Variants in CATSPERD observed in about 807,000 individuals in gnomAD.
The protein encoded by CATSPERD is cation channel sperm-associated auxiliary subunit delta.
CATSPERD carries 86 observed loss-of-function variants against 98.1 expected under a neutral mutation model. That is an observed-to-expected ratio of 0.88 (90% CI 0.74 to 1.05). The LOEUF is 1.05. Ranked by LOEUF, CATSPERD falls within the 50% of genes least tolerant of loss-of-function variation. The pLI is 0.00. For missense variants in CATSPERD, 995 were observed against 1,005.7 expected, an observed-to-expected ratio of 0.99 and a Z score of 0.14; for synonymous variants, 394 against 390.2, an observed-to-expected ratio of 1.01 and a Z score of -0.12.
At chr19:5,738,000 C>T (rs1295924896) in intron 6 of CATSPERD, among the ~76,000 whole-genome samples, 1 of 152,086 alleles carries the variant, frequency 6.6e-6, no homozygotes. Flanking sequence ...GATCCACCGG[C>T]TGACACTATA....
intron 13 of CATSPERD, among the ~76,000 whole-genome samples, chr19:5,757,405 C>G (rs1053278613): frequency 6.8e-6 from 1 of 147,656 alleles, no homozygotes; most frequent in African/African-American, 2.5e-5. Flanking sequence ...TCAAGCGATT[C>G]TCTTGCCTCG....
At chr19:5,735,617 C>T (rs1239310930) in intron 5 of CATSPERD, among the ~76,000 whole-genome samples, 4 of 151,944 alleles carry the variant, frequency 2.6e-5, no homozygotes, top group African/African-American at 7.2e-5. Context: ...GGACTACAGG[C>T]GTGTGCCACC....
intron 9 of CATSPERD, among the ~76,000 whole-genome samples, chr19:5,746,725 G>A (rs773659459): frequency 7.9e-5 from 12 of 151,920 alleles, no homozygotes; most frequent in African/African-American, 4.8e-5. Flanking sequence ...GAGCCACCAC[G>A]CCCAGCCATT....
intron 16 of CATSPERD, among the ~76,000 whole-genome samples, chr19:5,765,422 A>C (rs1240859556): frequency 6.2e-5 from 2 of 32,108 alleles, no homozygotes; most frequent in East Asian, 1.4e-3. Flanking sequence ...TCATTCATTC[A>C]TTCATTCATT....
At chr19:5,741,435 GATGGTGCCT>G (rs769015221) in intron 7 of CATSPERD, among the ~76,000 whole-genome samples, 22 of 152,114 alleles carry the variant, frequency 1.4e-4, no homozygotes, top group Non-Finnish European at 2.9e-4. Context: ...CTGCTCCCAA[GATGGTGCCT>G]ATGTTGGGGG....
intron 9 of CATSPERD, 42 bp from the exon 10 acceptor site, chr19:5,748,118 G>A: frequency 4.6e-6 from 7 of 1,534,618 alleles, no homozygotes; most frequent in Non-Finnish European, 5.4e-6. Context: ...CCTTTCCCAG[G>A]ATGTACACGG....
At chr19:5,732,829 C>T (rs1022998650) in intron 4 of CATSPERD, among the ~76,000 whole-genome samples, 1 of 151,810 alleles carries the variant, frequency 6.6e-6, no homozygotes, top group Non-Finnish European at 1.5e-5. Flanking sequence ...GCAGGCACCA[C>T]CATGCCTAGC....
chr19:5,743,563 C>T (rs1256493999), intron 7 of CATSPERD, among the ~76,000 whole-genome samples: 1 of 149,990 alleles, frequency 6.7e-6, no homozygotes, highest in Non-Finnish European at 1.5e-5. Context: ...TGTGCCACTG[C>T]ACTCCAGCCT....
intron 1 of CATSPERD, among the ~76,000 whole-genome samples, chr19:5,724,022 A>G (rs771002106): frequency 6.7e-6 from 1 of 149,602 alleles, no homozygotes; most frequent in Non-Finnish European, 1.5e-5. Flanking sequence ...CGAAGTCCCA[A>G]CCTCAGGTGA....
chr19:5,758,051 C>T (rs1037388660), intron 14 of CATSPERD, 119 bp downstream of exon 14: 10 of 751,818 alleles, frequency 1.3e-5, no homozygotes, highest in Admixed American at 3.2e-5. Context: ...GGCCGTGCCC[C>T]GCGGTGGGAA....
chr19:5,762,052 A>ATTTT, intron 15 of CATSPERD, among the ~76,000 whole-genome samples: 1 of 17,278 alleles, frequency 5.8e-5, no homozygotes, highest in Non-Finnish European at 1.4e-4. Context: ...ATATATATAT[A>ATTTT]TATATATTTT....
intron 7 of CATSPERD, among the ~76,000 whole-genome samples, chr19:5,742,236 G>C (rs1438773334): frequency 1.3e-5 from 2 of 151,266 alleles, no homozygotes; most frequent in Non-Finnish European, 2.9e-5. Context: ...GTGCGTGTGT[G>C]TACGTATGTG....
chr19:5,734,023 A>G, intron 5 of CATSPERD, 53 bp downstream of exon 5: 1 of 1,062,804 alleles, frequency 9.4e-7, no homozygotes, highest in Non-Finnish European at 1.4e-6. Flanking sequence ...AACATGAGAG[A>G]AGAGGGTATT....
intron 15 of CATSPERD, 152 bp from the exon 16 acceptor site, chr19:5,763,063 T>C (rs933380431): frequency 6.4e-6 from 4 of 622,664 alleles, no homozygotes; most frequent in Non-Finnish European, 8.7e-6. Flanking sequence ...GATGAATGGA[T>C]GGATGGGTGG....
At chr19:5,744,064 C>G (rs2056048796) in intron 7 of CATSPERD, among the ~76,000 whole-genome samples, 1 of 152,130 alleles carries the variant, frequency 6.6e-6, no homozygotes, top group African/African-American at 2.4e-5. Context: ...ACTGCAACCT[C>G]TGCCTCCCGG....
At chr19:5,772,730 G>A (rs559888495) in intron 19 of CATSPERD, 58 bp from the exon 20 acceptor site, 37 of 1,545,796 alleles carry the variant, frequency 2.4e-5, no homozygotes, top group African/African-American at 2.3e-4. Flanking sequence ...GCTGTGGCCC[G>A]GGTCTTCCTG....
chr19:5,734,104 A>G, intron 5 of CATSPERD, 134 bp downstream of exon 5: 1 of 597,302 alleles, frequency 1.7e-6, no homozygotes, highest in Non-Finnish European at 2.9e-6. Context: ...CTTTCCAACC[A>G]AAATGAAAAT....
intron 12 of CATSPERD, 48 bp from the exon 13 acceptor site, chr19:5,754,084 T>C: frequency 2.2e-5 from 29 of 1,339,102 alleles, no homozygotes; most frequent in Non-Finnish European, 3.1e-5. Flanking sequence ...GCCCTTTCTT[T>C]ATGGGAACAG....
intron 5 of CATSPERD, 89 bp from the exon 6 acceptor site, chr19:5,737,047 ACT>A: frequency 5.3e-6 from 4 of 749,324 alleles, no homozygotes; most frequent in South Asian, 4.8e-5. Flanking sequence ...ACAGAGCAAG[ACT>A]CTGTCTCAAA....
Sources: allele counts gnomAD v4.1 joint callset (sites outside exome capture counted in the v4.1 genomes callset), GRCh38; gene constraint gnomAD v4.1.1; transcripts MANE v1.5; gene names NCBI Gene and HGNC (gene_info 2026-07-23, HGNC 2026-07-21).